Variants in ADAM18 observed in about 807,000 individuals in gnomAD.
ADAM18 encodes the protein ADAM metallopeptidase domain 18, also known as disintegrin and metalloproteinase domain-containing protein 18.
In ADAM18, 117 loss-of-function variants were observed where a neutral mutation model predicts 94.4. The ratio of observed to expected loss-of-function variants is 1.24; its 90% CI spans 1.07 to 1.45. The LOEUF (loss-of-function observed/expected upper bound fraction) is 1.45. Among genes scored for constraint, ADAM18 ranks in the 40% most tolerant of loss-of-function variants. The pLI is 0.00. For synonymous variants in ADAM18, 327 were observed against 291.6 expected (o/e 1.12, Z -1.24); for missense variants, 936 against 880.0 (o/e 1.06, Z -0.81).
In ADAM18 at chr8:39,709,578, A is replaced by C. The variant is rs570423207; in HGVS notation, c.2017+2674A>C. Among the ~76,000 whole-genome samples the C allele has an allele frequency of 2.9e-4, 44 of 152,296 alleles. 1 individual carries two copies. The South Asian group carries it at 8.9e-3, about 31-fold the overall frequency. On this transcript the variant is annotated intron_variant, in intron 18 of 19. Coordinates refer to ENST00000265707, the MANE Select transcript of ADAM18 (RefSeq NM_014237.3). ...TCTGCCTCCCATCTCTGTCAATATCATAGGCTACTTATTGATTCAATTATT... is the reference window on the plus strand; with the variant it reads ...TCTGCCTCCCATCTCTGTCAATATCCTAGGCTACTTATTGATTCAATTATT...
chr8:39,661,782 T>C (rs1243079071), intron 12 of ADAM18, among the ~76,000 whole-genome samples: 1 of 152,020 alleles, frequency 6.6e-6, no homozygotes, highest in African/African-American at 2.4e-5. Flanking sequence ...ATAAGGTGCA[T>C]GCAGCCACAT....
chr8:39,702,505 A>G (rs977253610), intron 17 of ADAM18, among the ~76,000 whole-genome samples: 1 of 151,944 alleles, frequency 6.6e-6, no homozygotes, highest in East Asian at 1.9e-4. Flanking sequence ...CCATTTGTCA[A>G]TTTTTGCTTT....
intron 16 of ADAM18, among the ~76,000 whole-genome samples, chr8:39,687,497 A>G (rs186113164): frequency 8.2e-4 from 125 of 152,292 alleles, no homozygotes; most frequent in African/African-American, 3.0e-3. Flanking sequence ...TTCAGGAGGC[A>G]TATGTGCAGA....
chr8:39,721,757 T>A (rs1388212612), intron 18 of ADAM18, among the ~76,000 whole-genome samples: 3 of 151,346 alleles, frequency 2.0e-5, no homozygotes, highest in Admixed American at 6.6e-5. Context: ...AAACAACAGA[T>A]GTAGGTGAAG....
intron 12 of ADAM18, among the ~76,000 whole-genome samples, chr8:39,659,979 G>A (rs1332810456): frequency 6.6e-6 from 1 of 152,102 alleles, no homozygotes; most frequent in East Asian, 1.9e-4. Flanking sequence ...AAACTGGGGG[G>A]AGAGGTGAAG....
At position 39,645,450 on chromosome 8, in the gene ADAM18, C is replaced by T. The variant is rs1393224729; in HGVS notation, c.1022C>T (p.Thr341Ile). The change falls in exon 11 of 20, where the codon ACA becomes ATA. Residue 341 changes from threonine to isoleucine, a missense_variant. Physicochemically the swap from Thr to Ile is moderately conservative, Grantham distance 89 (BLOSUM62 -1). Coordinates refer to ENST00000265707, the MANE Select transcript of ADAM18 (RefSeq NM_014237.3). The part of the protein sequence containing the change: ...DITQCFCLRA[T>I]CIMNHEAVSA... ...ACTCAGTGTTTCTGTCTGAGAGCTA[C>T]ATGCATCATGAATCATGAAGCAGTG... 2.5e-6 allele frequency: 4 copies of T among 1,611,538 alleles called. No homozygotes were observed. Among genetic ancestry groups the T allele is most frequent in the Non-Finnish European group, 8.5e-7 (1 of 1,179,016 alleles).
At chr8:39,610,148 T>C (rs190089757) in intron 5 of ADAM18, among the ~76,000 whole-genome samples, 3 of 152,266 alleles carry the variant, frequency 2.0e-5, no homozygotes, top group African/African-American at 7.2e-5. Flanking sequence ...ATGTGGTTTT[T>C]ATAGATAACA....
intron 12 of ADAM18, among the ~76,000 whole-genome samples, chr8:39,659,582 A>G (rs1820780182): frequency 6.6e-6 from 1 of 152,140 alleles, no homozygotes; most frequent in Non-Finnish European, 1.5e-5. Context: ...GCACATATCC[A>G]TCCATAGAAT....
chr8:39,611,664 T>G (rs1461984028), intron 6 of ADAM18: 3 of 858,418 alleles, frequency 3.5e-6, no homozygotes, highest in Non-Finnish European at 4.2e-6. Context: ...AAACTGCACA[T>G]TAATTATTTT....
chr8:39,717,231 C>T (rs967606428), intron 18 of ADAM18, among the ~76,000 whole-genome samples: 37 of 151,680 alleles, frequency 2.4e-4, no homozygotes, highest in African/African-American at 7.2e-4. Flanking sequence ...ACATTTACAC[C>T]CTCCTCCACT....
Position 39,609,565 on chromosome 8 carries a change from AT to A in ADAM18, c.344+5del, listed in dbSNP as rs1183295848. 5.6e-6 allele frequency: 9 copies of A among 1,593,056 alleles called. No homozygotes were observed. Among genetic ancestry groups the A allele is most frequent in the Admixed American group, 1.7e-5 (1 of 59,708 alleles). On this transcript the variant is annotated splice_donor_5th_base_variant and intron_variant, in intron 5 of 19. Coordinates refer to ENST00000265707, the MANE Select transcript of ADAM18 (RefSeq NM_014237.3). ...TCAGTATATGTTCTGGTCTCAGGTAATAGCACCTTATAAGAAATCTATAGAT... is the reference window on the plus strand; with the variant it reads ...TCAGTATATGTTCTGGTCTCAGGTAAAGCACCTTATAAGAAATCTATAGAT...
At chr8:39,680,355 G>T in intron 16 of ADAM18, 129 bp downstream of exon 16, 1 of 898,430 alleles carries the variant, frequency 1.1e-6, no homozygotes, top group Non-Finnish European at 1.6e-6. Context: ...TTTCCCATGT[G>T]ATATTTAAAT....
intron 2 of ADAM18, among the ~76,000 whole-genome samples, chr8:39,604,902 G>T (rs1819022687): frequency 6.6e-6 from 1 of 152,190 alleles, no homozygotes; most frequent in Non-Finnish European, 1.5e-5. Context: ...TCTTGGTGTA[G>T]ATGTACCTCA....
rs1454641836 is a variant in ADAM18, at chr8:39,648,504, G to T, written c.1207G>T (p.Glu403Ter). The T allele has an allele frequency of 6.2e-7, 1 of 1,605,094 alleles. No homozygotes were observed. The highest frequency in any genetic ancestry group is 8.5e-7 in the Non-Finnish European group (1 of 1,176,778). ...TAATGGGATTTTGGAATCCAATGAA[G>T]AATGTGACTGTGGTAATAAAAATGT... is the stretch of plus-strand genomic sequence containing the variant. Reference protein sequence around the residue: ...CGNGILESNEECDCGNKNECQ... With the variant: ...CGNGILESNE Residue 403 changes from glutamate (E) to a stop codon, truncating the protein, a stop_gained, in exon 12 of 20, where the codon GAA becomes TAA. Transcript: ENST00000265707. LOFTEE classifies it high-confidence loss of function.
chr8:39,682,029 G>A (rs181879290), intron 16 of ADAM18, among the ~76,000 whole-genome samples: 13 of 152,118 alleles, frequency 8.5e-5, no homozygotes, highest in Non-Finnish European at 1.8e-4. Context: ...AGAACTATCA[G>A]GAAAACATGG....
At chr8:39,675,820 C>A (rs776648120) in intron 14 of ADAM18, among the ~76,000 whole-genome samples, 13 of 152,246 alleles carry the variant, frequency 8.5e-5, no homozygotes, top group Non-Finnish European at 1.8e-4. Context: ...GTGTAGATGA[C>A]CTTTTTGTTG....
intron 12 of ADAM18, among the ~76,000 whole-genome samples, chr8:39,655,861 C>T (rs1303196101): frequency 6.6e-6 from 1 of 151,286 alleles, no homozygotes; most frequent in African/African-American, 2.4e-5. Context: ...AAATTTAAAA[C>T]AACAGCATCT....
chr8:39,620,326 G>T lies in ADAM18; in HGVS notation c.523-9048G>T, dbSNP rs1238040196. ...ATAGGTCTGAGCAAAGATTTTTTTA[G>T]ACAGGACCTCAAAAGCACATGCAAC... On this transcript the variant is annotated intron_variant, in intron 6 of 19. Transcript: ENST00000265707. Among the ~76,000 whole-genome samples the T allele has an allele frequency of 3.4e-5, 4 of 117,052 alleles. No homozygotes were observed. The East Asian group carries it at 9.3e-4, about 27-fold the overall frequency. 76.8% of individuals were successfully genotyped at this position (117,052 alleles called of 152,430 possible).
chr8:39,718,292 C>T (rs1191947443), intron 18 of ADAM18, among the ~76,000 whole-genome samples: 1 of 151,410 alleles, frequency 6.6e-6, no homozygotes, highest in Non-Finnish European at 1.5e-5. Flanking sequence ...TCACAATACT[C>T]AAGATGTGGA....
Sources: gnomAD v4.1 joint callset for allele counts (sites outside exome capture counted in the v4.1 genomes callset) on GRCh38, gnomAD v4.1.1 for gene constraint, MANE v1.5 for transcripts, NCBI Gene and HGNC (gene_info 2026-07-23, HGNC 2026-07-21) for gene names.